The following NRL variants were observed in gnomAD, a reference collection of about 807,000 sequenced individuals.
NRL encodes the protein neural retina-specific leucine zipper protein.
In NRL, 16 loss-of-function variants were observed where a neutral mutation model predicts 12.5. That is an observed-to-expected ratio of 1.28 (90% CI 0.87 to 1.95). The LOEUF is 1.95. Among genes scored for constraint, NRL ranks in the 30% most tolerant of loss-of-function variants. The pLI, the probability that NRL is intolerant of heterozygous loss-of-function variation, is 0.00. For missense variants in NRL, 314 were observed against 325.8 expected (o/e 0.96, Z 0.28); for synonymous variants, 142 against 150.9 (o/e 0.94, Z 0.43).
rs2037497420 is a variant in NRL, at chr14:24,114,721, C to G, written c.-28+1G>C. The stretch of plus-strand genomic sequence containing the variant: ...GGCACCTCGCGCATTCTCCCGCCTA[C>G]CTATCAATCATCGTGCTCCGCTGTC... On this transcript the variant is annotated splice_donor_variant, in intron 1 of 2. Coordinates refer to ENST00000561028, the MANE Select transcript of NRL (RefSeq NM_001354768.3). LOFTEE classifies it low-confidence loss of function (5UTR_SPLICE). The G allele has an allele frequency of 1.0e-6, 1 of 985,894 alleles. No individual in the cohort carries two copies. Among genetic ancestry groups the G allele is most frequent in the African/African-American group, 1.7e-5 (1 of 57,258 alleles). The allele number at this position is 985,894 out of a possible 1,614,324, so 61.1% of individuals were successfully genotyped here. A position where few individuals can be genotyped will look rare whatever the true frequency, so the allele number is the denominator to read the frequency against.
intron 1 of NRL, among the ~76,000 whole-genome samples, chr14:24,111,386 T>C (rs1291996921): frequency 1.3e-5 from 2 of 152,222 alleles, no homozygotes; most frequent in African/African-American, 2.4e-5. Context: ...GTTTTTTGTG[T>C]GTGTGTGACG....
chr14:24,106,203 C>T (rs1239938550), intron 1 of NRL, among the ~76,000 whole-genome samples: 3 of 152,178 alleles, frequency 2.0e-5, no homozygotes, highest in Non-Finnish European at 2.9e-5. Context: ...CAATCTGGAT[C>T]AGGCTGAGAG....
In NRL at chr14:24,099,620, C is replaced by A. The variant is rs757945348; in HGVS notation, c.-28+15102G>T. On this transcript the variant is annotated intron_variant, in intron 1 of 2. Transcript: ENST00000561028. ...ATGTGGCAGCCGCCTTCCCTAGTGC[C>A]TGTGGCAAGACCAACCTGGCTATGA... 9.9e-6 allele frequency: 16 copies of A among 1,613,924 alleles called. No homozygotes were observed. The Admixed American group carries it at 2.7e-4, about 27-fold the overall frequency.
At position 24,094,268 on chromosome 14, in the gene NRL, G is replaced by T. The variant is rs967520621; in HGVS notation, c.-27-11393C>A. On this transcript the variant is annotated intron_variant, in intron 1 of 2. Coordinates refer to ENST00000561028, the MANE Select transcript of NRL (RefSeq NM_001354768.3). The surrounding 1 kb of genome is among the most constrained non-coding windows in gnomAD (Gnocchi z 4.1). ...CAGCCCTACCAGGTTCCGCCCCCGC[G>T]CCTGCCCCCCTCCTTTTTAAGCGCC... The T allele has an allele frequency of 6.3e-6, 5 of 799,912 alleles. No individual in the cohort carries two copies. Among genetic ancestry groups the T allele is most frequent in the Non-Finnish European group, 9.8e-6 (5 of 508,884 alleles). The allele number at this position is 799,912 out of a possible 1,614,324, so 49.6% of individuals were successfully genotyped here.
chr14:24,103,507 C>T (rs111490053), intron 1 of NRL: 1 of 1,542,154 alleles, frequency 6.5e-7, no homozygotes, highest in East Asian at 2.3e-5. Flanking sequence ...GCTTCCCCCC[C>T]AGGGAAGATC....
chr14:24,081,860 ATCCC>A lies in NRL; in HGVS notation c.382-296_382-293del. On this transcript the variant is annotated intron_variant, in intron 2 of 2. Transcript: ENST00000561028. The surrounding 1 kb of genome is among the most constrained non-coding windows in gnomAD (Gnocchi z 4.4). Reference sequence around the variant, plus strand: ...CCTAAACCCCGGGCTCGTCTCTGGGATCCCCGGCATCCAGCTCCAGGCCCGGGTG... The same window carrying A: ...CCTAAACCCCGGGCTCGTCTCTGGGACGGCATCCAGCTCCAGGCCCGGGTG... 1.5e-6 allele frequency: 2 copies of A among 1,367,846 alleles called. No individual in the cohort carries two copies. Among genetic ancestry groups the A allele is most frequent in the East Asian group, 3.1e-5 (1 of 32,216 alleles). The allele number at this position is 1,367,846 out of a possible 1,614,324, so 84.7% of individuals were successfully genotyped here. A position where few individuals can be genotyped will look rare whatever the true frequency, so the allele number is the denominator to read the frequency against.
Position 24,081,157 on chromosome 14 carries a change from T to G in NRL, c.*79A>C. 3 of 1,040,000 alleles carry G rather than the reference T, an allele frequency of 2.9e-6. No homozygotes were observed. The highest frequency in any genetic ancestry group is 6.4e-5 in the South Asian group (2 of 31,434). The allele number at this position is 1,040,000 out of a possible 1,614,324, so 64.4% of individuals were successfully genotyped here. On this transcript the variant is annotated 3_prime_UTR_variant, in exon 3 of 3. Coordinates refer to ENST00000561028, the MANE Select transcript of NRL (RefSeq NM_001354768.3). This position sits in a 1 kb window ranked among gnomAD's most constrained non-coding sequence, Gnocchi z 4.4. ...GGACCAGAAGGCGCTCTGGTAACGA[T>G]GCAGAGAACCGTGCAGCCGCCTCCT...
intron 1 of NRL, chr14:24,098,468 T>C (rs2037000922): frequency 6.2e-7 from 1 of 1,613,800 alleles, no homozygotes; most frequent in African/African-American, 1.3e-5. Flanking sequence ...GATGCCTTCC[T>C]CCACAGGCCG....
chr14:24,098,125 G>A, intron 1 of NRL: 1 of 1,250,464 alleles, frequency 8.0e-7, no homozygotes. Context: ...TGGAGTCAAA[G>A]TTGGACTTGA....
chr14:24,099,050 G>A (rs1280198158), intron 1 of NRL: 2 of 1,599,016 alleles, frequency 1.3e-6, no homozygotes, highest in Non-Finnish European at 1.7e-6. Flanking sequence ...TGTCCCCAGG[G>A]GAGCCAGTGA....
Position 24,094,275 on chromosome 14 carries a change from C to G in NRL, c.-27-11400G>C. The stretch of plus-strand genomic sequence containing the variant: ...ACCAGGTTCCGCCCCCGCGCCTGCC[C>G]CCCTCCTTTTTAAGCGCCTCCCGCC... On this transcript the variant is annotated intron_variant, in intron 1 of 2. Coordinates refer to ENST00000561028, the MANE Select transcript of NRL (RefSeq NM_001354768.3). This position sits in a 1 kb window ranked among gnomAD's most constrained non-coding sequence, Gnocchi z 4.1. The G allele has an allele frequency of 1.2e-6, 1 of 866,376 alleles. No individual in the cohort carries two copies. The highest frequency in any genetic ancestry group is 1.8e-5 in the African/African-American group (1 of 56,586). The allele number at this position is 866,376 out of a possible 1,614,324, so 53.7% of individuals were successfully genotyped here.
intron 1 of NRL, chr14:24,103,739 C>T: frequency 6.2e-7 from 1 of 1,614,204 alleles, no homozygotes; most frequent in Non-Finnish European, 8.5e-7. Context: ...AGGGGGAGGA[C>T]AGTGCCCGAG....
At chr14:24,084,151 AG>A (rs1450948864) in intron 1 of NRL, among the ~76,000 whole-genome samples, 1 of 152,182 alleles carries the variant, frequency 6.6e-6, no homozygotes, top group Non-Finnish European at 1.5e-5. Flanking sequence ...AGAGGCAAAG[AG>A]GAAGACCCAG....
At position 24,094,505 on chromosome 14, in the gene NRL, G is replaced by T. The variant is rs944054659; in HGVS notation, c.-27-11630C>A. 2 of 1,457,492 alleles carry T rather than the reference G, an allele frequency of 1.4e-6. No individual in the cohort carries two copies. The highest frequency in any genetic ancestry group is 2.6e-5 in the East Asian group (1 of 39,164). The allele number at this position is 1,457,492 out of a possible 1,614,324, so 90.3% of individuals were successfully genotyped here. ...TCGCCCCCTCGGGGCTGCCAGTGGC[G>T]CTCTCCTGCTCTCAGCCTCCGCCAG... On this transcript the variant is annotated intron_variant, in intron 1 of 2. Coordinates refer to ENST00000561028, the MANE Select transcript of NRL (RefSeq NM_001354768.3). The surrounding 1 kb of genome is among the most constrained non-coding windows in gnomAD (Gnocchi z 4.1).
intron 1 of NRL, among the ~76,000 whole-genome samples, chr14:24,102,455 G>C (rs937902524): frequency 1.1e-4 from 17 of 151,976 alleles, no homozygotes; most frequent in African/African-American, 3.9e-4. Context: ...CCATTCCCTT[G>C]AGCCCTGGTC....
intron 1 of NRL, among the ~76,000 whole-genome samples, chr14:24,097,590 ATT>A (rs200681299): frequency 0.082 from 11,255 of 137,792 alleles, 485 homozygotes; most frequent in African/African-American, 0.1. Context: ...AGAAACTGGG[ATT>A]TTTTTTTTTT....
intron 1 of NRL, among the ~76,000 whole-genome samples, chr14:24,107,276 C>A (rs894445791): frequency 2.6e-5 from 4 of 152,080 alleles, no homozygotes; most frequent in African/African-American, 9.7e-5. Flanking sequence ...GGGCTGCATG[C>A]CCTTCAGCTC....
chr14:24,100,232 G>T (rs1330203150), intron 1 of NRL: 1 of 1,613,654 alleles, frequency 6.2e-7, no homozygotes, highest in Admixed American at 1.7e-5. Flanking sequence ...GGTGGGGAAG[G>T]TGTGGCACAG....
chr14:24,095,364 C>A, intron 1 of NRL: 1 of 403,822 alleles, frequency 2.5e-6, no homozygotes, highest in Admixed American at 2.6e-5. Context: ...CCCTCTGAGG[C>A]AGGAACAGAC....
Sources: gnomAD v4.1 joint callset for allele counts (sites outside exome capture counted in the v4.1 genomes callset) on GRCh38, gnomAD v4.1.1 for gene constraint, Gnocchi (gnomAD v3.1) non-coding constraint, MANE v1.5 for transcripts, NCBI Gene and HGNC (gene_info 2026-07-23, HGNC 2026-07-21) for gene names.